Variants in WASHC2A observed in about 807,000 individuals in gnomAD.
WASHC2A encodes WASH complex subunit 2A, also known as WASH complex subunit FAM21A.
A neutral mutation model predicts 140.3 loss-of-function variants in WASHC2A; 82 were observed. The ratio of observed to expected loss-of-function variants is 0.58; its 90% CI spans 0.49 to 0.70. WASHC2A has a LOEUF of 0.70. Ranked by LOEUF, WASHC2A falls within the 30% of genes least tolerant of loss-of-function variation. WASHC2A has a pLI of 0.00. For synonymous variants in WASHC2A, 340 were observed against 560.8 expected (o/e 0.61, Z 5.56); for missense variants, 985 against 1,521.8 (o/e 0.65, Z 5.87).
intron 3 of WASHC2A, among the ~76,000 whole-genome samples, chr10:50,070,116 A>G (rs2132300751): frequency 6.6e-6 from 1 of 152,250 alleles, no homozygotes; most frequent in Middle Eastern, 3.4e-3. Context: ...AATTATATTC[A>G]GGGGATATAT....
chr10:50,069,771 A>G, intron 3 of WASHC2A, 60 bp downstream of exon 3: 1 of 1,521,992 alleles, frequency 6.6e-7, no homozygotes, highest in Non-Finnish European at 8.8e-7. Flanking sequence ...TGTAATTTTA[A>G]ATAACTTACT....
chr10:50,071,538 C>T (rs1406672907), intron 3 of WASHC2A, among the ~76,000 whole-genome samples: 2 of 151,890 alleles, frequency 1.3e-5, no homozygotes, highest in Non-Finnish European at 2.9e-5. Flanking sequence ...ATCTCCTGAC[C>T]TCGTGATCCG....
At position 50,104,069 on chromosome 10, in the gene WASHC2A, A is replaced by C; in HGVS notation, c.1663A>C (p.Lys555Gln). 6.6e-7 allele frequency: 1 copy of C among 1,504,916 alleles called. No homozygotes were observed. Among genetic ancestry groups the C allele is most frequent in the Non-Finnish European group, 9.2e-7 (1 of 1,089,722 alleles). 93.2% of individuals were successfully genotyped at this position (1,504,916 alleles called of 1,614,324 possible). A position where few individuals can be genotyped will look rare whatever the true frequency, so the allele number is the denominator to read the frequency against. ...TTTGTTTTCTTCTCAAAGTGCGAGT[A>C]AGTTAAAAGGTGCGTCTCTGCTGCC... ...EDLFSSQSAS[K>Q]LKGASLLPGK... is the part of the protein sequence containing the mutation. Residue 555 changes from lysine to glutamine, a missense_variant, in exon 18 of 31, where the codon AAG becomes CAG. By Grantham distance (53) the Lys-to-Gln change is moderately conservative. Coordinates refer to ENST00000282633, the MANE Select transcript of WASHC2A (RefSeq NM_001005751.3).
intron 8 of WASHC2A, among the ~76,000 whole-genome samples, chr10:50,088,585 T>C (rs1839599665): frequency 6.8e-6 from 1 of 146,804 alleles, no homozygotes; most frequent in Non-Finnish European, 1.5e-5. Flanking sequence ...AGAAATCCTT[T>C]GCTTCGGTGA....
chr10:50,119,745 G>A lies in WASHC2A; in HGVS notation c.2454G>A (p.Gln818=). 2.5e-6 allele frequency: 4 copies of A among 1,605,984 alleles called. No individual in the cohort carries two copies. The highest frequency in any genetic ancestry group is 1.4e-5 in the African/African-American group (1 of 70,070). The stretch of plus-strand genomic sequence containing the variant: ...AAATGGAAGATCAAAACATTATCCA[G>A]GCTCCACAGAAAGAAGTAGGAAAGG... ...EDKMEDQNII[Q]APQKEVGKGR... is the part of the protein sequence containing the mutation. The change falls in exon 23 of 31, where the codon CAG becomes CAA. Residue 818 remains glutamine, a synonymous_variant. Transcript: ENST00000282633.
At chr10:50,121,405 T>C (rs1487662196) in intron 23 of WASHC2A, among the ~76,000 whole-genome samples, 15 of 148,380 alleles carry the variant, frequency 1.0e-4, no homozygotes, top group Non-Finnish European at 1.9e-4. Flanking sequence ...CTTTTTTTTT[T>C]TTTTTGCAAT....
At chr10:50,082,000 C>G (rs1838937848) in intron 5 of WASHC2A, among the ~76,000 whole-genome samples, 1 of 152,094 alleles carries the variant, frequency 6.6e-6, no homozygotes, top group African/African-American at 2.4e-5. Flanking sequence ...CTGAGTCACA[C>G]CAAATTGAGG....
rs201459362 is a variant in WASHC2A at position 50,068,169 on chromosome 10, G to T, written c.68G>T (p.Trp23Leu). 97 of 1,600,700 alleles carry T rather than the reference G, an allele frequency of 6.1e-5. No homozygotes were observed. Among genetic ancestry groups the T allele is most frequent in the East Asian group, 1.1e-4 (5 of 44,790 alleles). Residue 23 changes from tryptophan to leucine, a missense_variant, in exon 2 of 31, where the codon TGG (tryptophan) becomes TTG (leucine). By Grantham distance (61) the Trp-to-Leu change is moderately conservative. Coordinates refer to ENST00000282633, the MANE Select transcript of WASHC2A (RefSeq NM_001005751.3). ...PASEPVWERP[W>L]SVEEIRRSSQ... ...TCGGAGCCCGTGTGGGAGCGGCCGTGGTCGGTGGAGGAGATCCGCAGGAGC... is the reference window on the plus strand; with the variant it reads ...TCGGAGCCCGTGTGGGAGCGGCCGTTGTCGGTGGAGGAGATCCGCAGGAGC...
chr10:50,104,647 A>G (rs368923269), intron 18 of WASHC2A, among the ~76,000 whole-genome samples: 1 of 152,062 alleles, frequency 6.6e-6, no homozygotes, highest in Non-Finnish European at 1.5e-5. Flanking sequence ...GTGAGCCACC[A>G]TGCCTGGCTT....
intron 3 of WASHC2A, among the ~76,000 whole-genome samples, chr10:50,071,921 T>TC (rs1355471601): frequency 4.7e-5 from 7 of 149,574 alleles, no homozygotes; most frequent in Non-Finnish European, 8.9e-5. Flanking sequence ...TTTTTTTTTT[T>TC]CTTCCGAGAC....
At chr10:50,073,331 G>C (rs1838027529) in intron 3 of WASHC2A, among the ~76,000 whole-genome samples, 1 of 151,970 alleles carries the variant, frequency 6.6e-6, no homozygotes. Context: ...TATGCCCAAG[G>C]TTAGAATTTT....
chr10:50,098,665 T>C (rs1469062437), intron 16 of WASHC2A, among the ~76,000 whole-genome samples: 7 of 115,962 alleles, frequency 6.0e-5, no homozygotes, highest in Non-Finnish European at 1.1e-4. Flanking sequence ...GGACAGTGTG[T>C]CTGCATTGCA....
chr10:50,099,101 T>C (rs1554885614), intron 16 of WASHC2A, among the ~76,000 whole-genome samples: 1 of 152,152 alleles, frequency 6.6e-6, no homozygotes, highest in Non-Finnish European at 1.5e-5. Flanking sequence ...TCAGTTAATC[T>C]GTTAGCGGGC....
chr10:50,068,345 A>G (rs1237252338), intron 2 of WASHC2A, 118 bp downstream of exon 2: 2 of 1,165,770 alleles, frequency 1.7e-6, no homozygotes, highest in Non-Finnish European at 2.3e-6. Context: ...CCCTCTTAGG[A>G]ACACACGCCC....
At chr10:50,081,900 T>A in intron 5 of WASHC2A, among the ~76,000 whole-genome samples, 1 of 152,198 alleles carries the variant, frequency 6.6e-6, no homozygotes, top group East Asian at 1.9e-4. Flanking sequence ...CCCAAAGTGC[T>A]GGGATTACAG....
chr10:50,069,472 G>T (rs1442401570), intron 2 of WASHC2A, 75 bp from the exon 3 acceptor site: 15 of 1,500,958 alleles, frequency 1.0e-5, no homozygotes, highest in Non-Finnish European at 1.3e-5. Context: ...AAAGGAAATG[G>T]GTTCTTTTTT....
chr10:50,069,076 C>G (rs1222396996), intron 2 of WASHC2A, among the ~76,000 whole-genome samples: 4 of 151,246 alleles, frequency 2.6e-5, no homozygotes, highest in African/African-American at 4.9e-5. Context: ...CTCACTGCCA[C>G]TCTTTTGATG....
intron 30 of WASHC2A, among the ~76,000 whole-genome samples, chr10:50,131,921 C>A (rs1324166356): frequency 4.6e-5 from 7 of 152,226 alleles, no homozygotes; most frequent in Non-Finnish European, 8.8e-5. Context: ...AAGTGAATAA[C>A]CCCTAGAGGT....
chr10:50,130,137 A>G (rs1843811756), intron 29 of WASHC2A, 98 bp downstream of exon 29: 1 of 1,488,760 alleles, frequency 6.7e-7, no homozygotes, highest in Non-Finnish European at 9.3e-7. Flanking sequence ...TGTTGCGTGC[A>G]TACCCCATAG....
Sources: gnomAD v4.1 joint callset for allele counts (sites outside exome capture counted in the v4.1 genomes callset) on GRCh38, gnomAD v4.1.1 for gene constraint, MANE v1.5 for transcripts, NCBI Gene and HGNC (gene_info 2026-07-23, HGNC 2026-07-21) for gene names.